Variants in EMSY observed in about 807,000 individuals in gnomAD.
EMSY encodes the protein BRCA2-interacting transcriptional repressor EMSY.
A neutral mutation model predicts 134.6 loss-of-function variants in EMSY; 26 were observed. The observed-to-expected ratio is 0.19, with a 90% confidence interval of 0.14 to 0.27. The LOEUF (loss-of-function observed/expected upper bound fraction) is 0.27, where lower values mean the gene tolerates loss of function less well. EMSY is among the 10% of genes least tolerant of loss of function. The pLI, the probability that EMSY is intolerant of heterozygous loss-of-function variation, is 1.00. For missense variants in EMSY, 1,305 were observed against 1,611.4 expected (o/e 0.81, Z 3.26); for synonymous variants, 579 against 577.8 (o/e 1.00, Z -0.03).
chr11:76,482,001 T>C (rs1949001922), intron 8 of EMSY, among the ~76,000 whole-genome samples: 1 of 152,160 alleles, frequency 6.6e-6, no homozygotes, highest in Non-Finnish European at 1.5e-5. Context: ...AGGAGAGCTC[T>C]GGCTGGCATC....
At chr11:76,513,712 T>G (rs922078667) in intron 10 of EMSY, among the ~76,000 whole-genome samples, 177 bp downstream of exon 11, 1 of 152,196 alleles carries the variant, frequency 6.6e-6, no homozygotes, top group Non-Finnish European at 1.5e-5. Context: ...TCTTTTGTTA[T>G]TCTTTCTAAT....
At chr11:76,530,745 G>A (rs1052847583) in intron 14 of EMSY, among the ~76,000 whole-genome samples, 12 of 152,076 alleles carry the variant, frequency 7.9e-5, no homozygotes, top group Non-Finnish European at 5.9e-5. Flanking sequence ...CAAAGACTAG[G>A]TCTGGGAATA....
At chr11:76,473,910 G>A (rs911512047) in intron 8 of EMSY, among the ~76,000 whole-genome samples, 1 of 151,112 alleles carries the variant, frequency 6.6e-6, no homozygotes, top group African/African-American at 2.4e-5. Flanking sequence ...CAGGAGAATC[G>A]TTTGGATCAC....
intron 8 of EMSY, among the ~76,000 whole-genome samples, chr11:76,474,819 A>T (rs574301678): frequency 6.6e-6 from 1 of 152,290 alleles, no homozygotes; most frequent in East Asian, 1.9e-4. Flanking sequence ...GCTAGAGTGC[A>T]GTGGCATGAT....
intron 9 of EMSY, among the ~76,000 whole-genome samples, chr11:76,502,126 A>G (rs974167559): frequency 2.0e-5 from 3 of 151,098 alleles, no homozygotes; most frequent in African/African-American, 7.3e-5. Context: ...AGACTTTACC[A>G]AATAAACAAA....
chr11:76,481,608 C>T (rs1463765249), intron 8 of EMSY, among the ~76,000 whole-genome samples: 1 of 152,168 alleles, frequency 6.6e-6, no homozygotes, highest in Non-Finnish European at 1.5e-5. Context: ...TTTTTCCCCT[C>T]AGAGTATAAA....
intron 8 of EMSY, among the ~76,000 whole-genome samples, chr11:76,492,392 T>C (rs951479588): frequency 1.3e-5 from 2 of 152,160 alleles, no homozygotes; most frequent in African/African-American, 4.8e-5. Context: ...GAGAATCGCT[T>C]GAACCGGGAG....
intron 9 of EMSY, among the ~76,000 whole-genome samples, chr11:76,501,107 T>G (rs537225441): frequency 1.3e-5 from 2 of 152,384 alleles, no homozygotes; most frequent in East Asian, 3.8e-4. Flanking sequence ...GCTGTTATAC[T>G]ATATTGTTTC....
intron 9 of EMSY, among the ~76,000 whole-genome samples, chr11:76,512,129 A>AT (rs1441735790): frequency 6.6e-6 from 1 of 152,228 alleles, no homozygotes; most frequent in Non-Finnish European, 1.5e-5. Flanking sequence ...ATAACAACAT[A>AT]TTTTAACTCA....
chr11:76,531,019 T>C (rs1221157022), intron 14 of EMSY, among the ~76,000 whole-genome samples: 1 of 152,184 alleles, frequency 6.6e-6, no homozygotes, highest in African/African-American at 2.4e-5. Flanking sequence ...ATTCACTACT[T>C]ATTTACATTT....
At chr11:76,480,369 A>G (rs1047998895) in intron 8 of EMSY, among the ~76,000 whole-genome samples, 1 of 152,152 alleles carries the variant, frequency 6.6e-6, no homozygotes, top group African/African-American at 2.4e-5. Context: ...ATTACTAGGG[A>G]TATCTTTTCT....
chr11:76,535,919 T>C (rs771843672), exon 15 of EMSY: 1 of 1,554,196 alleles, frequency 6.4e-7, no homozygotes, highest in Admixed American at 1.9e-5. Context: ...GTTCATGTAA[T>C]TGCTTCCCGG....
At chr11:76,471,712 T>C (rs781776585) in intron 7 of EMSY, among the ~76,000 whole-genome samples, 3 of 152,212 alleles carry the variant, frequency 2.0e-5, no homozygotes, top group Admixed American at 6.5e-5. Context: ...AGAAAGTACC[T>C]TTTTCATCAC....
At chr11:76,483,357 A>G (rs1326256589) in intron 8 of EMSY, among the ~76,000 whole-genome samples, 1 of 152,222 alleles carries the variant, frequency 6.6e-6, no homozygotes, top group African/African-American at 2.4e-5. Context: ...AATGGACAAA[A>G]TAACCAGCTG....
intron 6 of EMSY, among the ~76,000 whole-genome samples, chr11:76,461,679 C>A (rs1948123079): frequency 1.3e-5 from 2 of 152,226 alleles, no homozygotes; most frequent in Non-Finnish European, 2.9e-5. Context: ...CGCCTGTAAT[C>A]CCAGCACTTT....
intron 13 of EMSY, among the ~76,000 whole-genome samples, chr11:76,527,777 G>GAAAAA (rs552943632): frequency 7.3e-6 from 1 of 136,544 alleles, no homozygotes; most frequent in Non-Finnish European, 1.6e-5. Flanking sequence ...AGTTTCTAAT[G>GAAAAA]AAAAAAAAAA....
At chr11:76,501,728 T>C (rs1949865587) in intron 9 of EMSY, among the ~76,000 whole-genome samples, 1 of 152,140 alleles carries the variant, frequency 6.6e-6, no homozygotes, top group East Asian at 1.9e-4. Flanking sequence ...ATACATATAA[T>C]GGAAGTACGA....
chr11:76,445,770 C>T (rs2134635871), intron 1 of EMSY, among the ~76,000 whole-genome samples: 1 of 152,270 alleles, frequency 6.6e-6, no homozygotes, highest in Middle Eastern at 3.4e-3. Context: ...CCTCCAAGAT[C>T]CTGTCGGGAG....
chr11:76,457,280 A>G (rs1423235586), intron 4 of EMSY, among the ~76,000 whole-genome samples: 1 of 152,230 alleles, frequency 6.6e-6, no homozygotes, highest in East Asian at 1.9e-4. Context: ...AAATGCAGAA[A>G]TATTTCAGAT....
Sources: allele counts gnomAD v4.1 joint callset (sites outside exome capture counted in the v4.1 genomes callset), GRCh38; gene constraint gnomAD v4.1.1; transcripts MANE v1.5; gene names NCBI Gene and HGNC (gene_info 2026-07-23, HGNC 2026-07-21).